PPHLN1: variants seen among roughly 807,000 people sequenced by gnomAD.
The protein encoded by PPHLN1 is periphilin 1, also known as periphilin-1.
In PPHLN1, 29 loss-of-function variants were observed where a neutral mutation model predicts 51.3. That is an observed-to-expected ratio of 0.57 (90% CI 0.42 to 0.77). The LOEUF (loss-of-function observed/expected upper bound fraction) is 0.77, where lower values mean the gene tolerates loss of function less well. Among genes scored for constraint, PPHLN1 ranks in the 30% least tolerant of loss-of-function variants. The pLI, the probability that PPHLN1 is intolerant of heterozygous loss-of-function variation, is 0.00. For missense variants in PPHLN1, 436 were observed against 438.4 expected, an observed-to-expected ratio of 0.99 and a Z score of 0.05; for synonymous variants, 147 against 147.8, an observed-to-expected ratio of 0.99 and a Z score of 0.04.
chr12:42,391,203 A>G (rs2077675459), intron 7 of PPHLN1, among the ~76,000 whole-genome samples: 1 of 152,122 alleles, frequency 6.6e-6, no homozygotes, highest in African/African-American at 2.4e-5. Context: ...TCGAATGTGC[A>G]GAGAGAATGA....
intron 9 of PPHLN1, among the ~76,000 whole-genome samples, chr12:42,428,387 A>C (rs2139809051): frequency 6.6e-6 from 1 of 152,384 alleles, no homozygotes; most frequent in East Asian, 1.9e-4. Flanking sequence ...CGAGTGGATA[A>C]AGAAACTGTG....
chr12:42,448,103 C>T (rs1211825444), downstream of PPHLN1: 3 of 152,088 alleles, frequency 2.0e-5, no homozygotes, highest in East Asian at 1.9e-4. Context: ...TATTCTGGTC[C>T]GAGGGTTCAG....
At chr12:42,382,382 C>A (rs914177639) in intron 5 of PPHLN1, among the ~76,000 whole-genome samples, 27 of 152,132 alleles carry the variant, frequency 1.8e-4, no homozygotes, top group African/African-American at 6.3e-4. Flanking sequence ...TCTGTACTGC[C>A]ACTTTCAGAA....
chr12:42,427,951 T>C (rs755085928), intron 9 of PPHLN1, among the ~76,000 whole-genome samples: 1 of 152,066 alleles, frequency 6.6e-6, no homozygotes, highest in Non-Finnish European at 1.5e-5. Flanking sequence ...GCTAAGGACA[T>C]GAATAGACAA....
chr12:42,388,135 G>A (rs1021830216), intron 7 of PPHLN1, among the ~76,000 whole-genome samples: 1 of 152,134 alleles, frequency 6.6e-6, no homozygotes, highest in Admixed American at 6.5e-5. Context: ...CCCAACACCC[G>A]TAAAGGGTCT....
chr12:42,339,332 C>T (rs940727276), intron 2 of PPHLN1, among the ~76,000 whole-genome samples: 4 of 152,140 alleles, frequency 2.6e-5, no homozygotes, highest in Non-Finnish European at 5.9e-5. Flanking sequence ...ATCCTTCTTT[C>T]TGTATATCCA....
At chr12:42,432,366 A>G (rs965440725) in intron 9 of PPHLN1, 1 of 742,730 alleles carries the variant, frequency 1.3e-6, no homozygotes, top group African/African-American at 1.7e-5. Context: ...TCCTTTAGAT[A>G]AGCAATATGG....
chr12:42,367,432 TA>T (rs1050546958), intron 4 of PPHLN1, among the ~76,000 whole-genome samples: 1 of 152,014 alleles, frequency 6.6e-6, no homozygotes, highest in Non-Finnish European at 1.5e-5. Context: ...TTTTTTTTTT[TA>T]ATTAAGACAC....
At chr12:42,331,007 C>A (rs1442284480) in intron 1 of PPHLN1, among the ~76,000 whole-genome samples, 4 of 152,216 alleles carry the variant, frequency 2.6e-5, no homozygotes, top group Non-Finnish European at 5.9e-5. Context: ...CCGTGCCCAG[C>A]CATGGTACAG....
rs551295034 is a variant in PPHLN1, at chr12:42,349,447, T to C, written c.73-2438T>C. On this transcript the variant is annotated intron_variant, in intron 2 of 9. Transcript: ENST00000358314. ...TATTTATTGATCATTCTTGGGTGTT[T>C]CTCGGAGAGGGGGATTTGGCAGGGT... Among the ~76,000 whole-genome samples, 1,095 of 152,220 alleles carry C rather than the reference T, an allele frequency of 7.2e-3. 13 individuals carry two copies. The highest frequency in any genetic ancestry group is 0.025 in the African/African-American group (1,046 of 41,502).
At chr12:42,413,228 A>G (rs1325976521) in intron 9 of PPHLN1, among the ~76,000 whole-genome samples, 1 of 152,046 alleles carries the variant, frequency 6.6e-6, no homozygotes, top group East Asian at 1.9e-4. Context: ...TATCTTCTAG[A>G]ATTTTTATGG....
intron 2 of PPHLN1, among the ~76,000 whole-genome samples, chr12:42,349,849 CCCA>C (rs1395519428): frequency 1.3e-5 from 2 of 152,202 alleles, no homozygotes; most frequent in Admixed American, 1.3e-4. Flanking sequence ...CTTTCTTTTC[CCCA>C]CATTTCCCCC....
intron 4 of PPHLN1, chr12:42,359,218 A>G (rs1381360734): frequency 1.3e-5 from 2 of 152,172 alleles, no homozygotes; most frequent in East Asian, 3.8e-4. Context: ...CCATAACTGT[A>G]CCATGGGCAT....
chr12:42,376,504 A>C (rs976023171), intron 5 of PPHLN1, among the ~76,000 whole-genome samples: 1 of 152,228 alleles, frequency 6.6e-6, no homozygotes, highest in Non-Finnish European at 1.5e-5. Context: ...AAACAAACAC[A>C]GGCTGGGCAC....
chr12:42,430,941 A>G (rs1376159527), intron 9 of PPHLN1, among the ~76,000 whole-genome samples: 1 of 152,256 alleles, frequency 6.6e-6, no homozygotes, highest in Non-Finnish European at 1.5e-5. Flanking sequence ...TTTATATAGA[A>G]TAAGCCTTCT....
chr12:42,350,999 GAGAGGGAGAGGGGGAGGGGA>G (rs1464491009), intron 2 of PPHLN1, among the ~76,000 whole-genome samples: 6 of 151,838 alleles, frequency 4.0e-5, no homozygotes, highest in Non-Finnish European at 8.8e-5. Context: ...TGGCAAGCGG[GAGAGGGAGAGGGGGAGGGGA>G]AGAGGGAGAG....
At chr12:42,389,538 C>T (rs1347540319) in intron 7 of PPHLN1, among the ~76,000 whole-genome samples, 4 of 152,062 alleles carry the variant, frequency 2.6e-5, no homozygotes, top group Admixed American at 2.0e-4. Context: ...CCAGCCTGGG[C>T]GACAGAGCGA....
At chr12:42,336,956 C>T (rs1592192643) in intron 2 of PPHLN1, among the ~76,000 whole-genome samples, 1 of 152,170 alleles carries the variant, frequency 6.6e-6, no homozygotes, top group Non-Finnish European at 1.5e-5. Flanking sequence ...TTGTCGTTGT[C>T]CTAGATTACA....
In PPHLN1 at chr12:42,398,951, C is replaced by T. The variant is rs2139302366; in HGVS notation, c.866C>T (p.Thr289Ile). 2.5e-6 allele frequency: 4 copies of T among 1,614,078 alleles called. No individual in the cohort carries two copies. The highest frequency in any genetic ancestry group is 2.5e-6 in the Non-Finnish European group (3 of 1,179,920). Reference sequence around the variant, plus strand: ...TTATTTGAAGATAGTCAGCTAACCACTCGCTCTAAAGCAATAGCATCAAAA... The same window carrying T: ...TTATTTGAAGATAGTCAGCTAACCATTCGCTCTAAAGCAATAGCATCAAAA... ...IELFEDSQLT[T>I]RSKAIASKTK... The change falls in exon 9 of 10, where the codon ACT becomes ATT. Residue 289 changes from threonine to isoleucine, a missense_variant. By Grantham distance (89) the Thr-to-Ile change is moderately conservative. Transcript: ENST00000358314.
Sources: gnomAD v4.1 joint callset for allele counts (sites outside exome capture counted in the v4.1 genomes callset) on GRCh38, gnomAD v4.1.1 for gene constraint, MANE v1.5 for transcripts, NCBI Gene and HGNC (gene_info 2026-07-23, HGNC 2026-07-21) for gene names.